PRPF8: variants seen among roughly 807,000 people sequenced by gnomAD.
PRPF8 encodes pre-mRNA-processing-splicing factor 8.
PRPF8 carries 64 observed loss-of-function variants against 285.9 expected under a neutral mutation model. The ratio of observed to expected loss-of-function variants is 0.22; its 90% confidence interval spans 0.18 to 0.28. The LOEUF is 0.28. Among genes scored for constraint, PRPF8 ranks in the 10% least tolerant of loss-of-function variants. The pLI is 1.00. For synonymous variants in PRPF8, 1,325 were observed against 1,118.2 expected, an observed-to-expected ratio of 1.18 and a Z score of -3.69; for missense variants, 1,426 against 3,026.7, an observed-to-expected ratio of 0.47 and a Z score of 12.41.
Position 1,680,814 on chromosome 17 carries a change from ACATTGGGAGTATGG to A in PRPF8, c.996_1009del (p.His333CysfsTer6). 6.2e-7 allele frequency: 1 copy of A among 1,614,148 alleles called. No individual in the cohort carries two copies. The highest frequency in any genetic ancestry group is 8.5e-7 in the Non-Finnish European group (1 of 1,180,020). Reference sequence around the variant, plus strand: ...AGGATCCTCAGTTTTGATGAATACAACATTGGGAGTATGGTACCTAAAATGAAAGGAAGAGTCAG... The same window carrying A: ...AGGATCCTCAGTTTTGATGAATACAATACCTAAAATGAAAGGAAGAGTCAG... On this transcript the variant is annotated frameshift_variant, in exon 8 of 43. Coordinates refer to ENST00000304992, the MANE Select transcript of PRPF8 (RefSeq NM_006445.4). LOFTEE classifies it high-confidence loss of function.
intron 1 of PRPF8, 30 bp from the exon 2 acceptor site, chr17:1,684,612 T>G: frequency 1.3e-6 from 2 of 1,599,952 alleles, no homozygotes; most frequent in East Asian, 4.5e-5. Flanking sequence ...AAAAATTCAC[T>G]AACCACAGGC....
In PRPF8 at chr17:1,673,040, A is replaced by G. The variant is rs1252943820; in HGVS notation, c.3774+41T>C. On this transcript the variant is annotated intron_variant, in intron 24 of 42. Transcript: ENST00000304992. This position sits in a 1 kb window ranked among gnomAD's most constrained non-coding sequence, Gnocchi z 5.5. ...AAGGGGTGTGAAATGAGCAGAGGAC[A>G]GCAGAGGACAAGAGGGAAGCTGGGC... The G allele has an allele frequency of 2.6e-6, 4 of 1,566,750 alleles. No homozygotes were observed.
In PRPF8 at chr17:1,659,642, C is replaced by A; in HGVS notation, c.4947-94G>T. On this transcript the variant is annotated intron_variant, in intron 31 of 42. Transcript: ENST00000304992. This position sits in a 1 kb window ranked among gnomAD's most constrained non-coding sequence, Gnocchi z 5.1. Reference sequence around the variant, plus strand: ...ACTTAAATCCCAAAACCATCCCACCCACTCCACCAACTTGTTCCAGGTCAG... The same window carrying A: ...ACTTAAATCCCAAAACCATCCCACCAACTCCACCAACTTGTTCCAGGTCAG... 4 of 1,486,104 alleles carry A rather than the reference C, an allele frequency of 2.7e-6. No homozygotes were observed. The highest frequency in any genetic ancestry group is 2.8e-6 in the Non-Finnish European group (3 of 1,077,254). 92.1% of individuals were successfully genotyped at this position (1,486,104 alleles called of 1,614,324 possible).
intron 37 of PRPF8, 148 bp downstream of exon 37, chr17:1,655,202 C>T: frequency 1.2e-6 from 1 of 808,258 alleles, no homozygotes; most frequent in East Asian, 2.7e-5. Context: ...AAATGATCTA[C>T]CCACCTTGGC....
Position 1,679,617 on chromosome 17 carries a change from G to T in PRPF8, c.1281C>A (p.Val427=), listed in dbSNP as rs528335604. ...RTRRALDIPL[V]KNWYREHCPA... ...ACAGGGAAAAACCTTACCAGTTCTT[G>T]ACAAGGGGTATGTCCAGGGCCCGAC... Residue 427 remains valine (V), a synonymous_variant, in exon 9 of 43, where the codon GTC becomes GTA. Transcript: ENST00000304992. The surrounding 1 kb of genome is among the most constrained non-coding windows in gnomAD (Gnocchi z 4.7). The T allele has an allele frequency of 8.7e-6, 14 of 1,613,452 alleles. No homozygotes were observed. Among genetic ancestry groups the T allele is most frequent in the Middle Eastern group, 3.6e-4 (2 of 5,584 alleles).
Position 1,651,818 on chromosome 17 carries a change from T to C in PRPF8, c.6370-30A>G. The C allele has an allele frequency of 6.2e-7, 1 of 1,612,360 alleles. No individual in the cohort carries two copies. Among genetic ancestry groups the C allele is most frequent in the Non-Finnish European group, 8.5e-7 (1 of 1,178,650 alleles). On this transcript the variant is annotated intron_variant, in intron 39 of 42. Coordinates refer to ENST00000304992, the MANE Select transcript of PRPF8 (RefSeq NM_006445.4). The surrounding 1 kb of genome is among the most constrained non-coding windows in gnomAD (Gnocchi z 5.1). Reference sequence around the variant, plus strand: ...AGACAAAGGGGTCAGGAACCAAAACTCTTCTTAGTACCAGGTCAGAGTTGG... The same window carrying C: ...AGACAAAGGGGTCAGGAACCAAAACCCTTCTTAGTACCAGGTCAGAGTTGG...
intron 20 of PRPF8, 81 bp from the exon 21 acceptor site, chr17:1,674,761 T>G: frequency 7.0e-7 from 1 of 1,432,520 alleles, no homozygotes; most frequent in Non-Finnish European, 9.8e-7. Flanking sequence ...TGTTCTCCCC[T>G]CAGCAAATTC....
chr17:1,671,265 C>G lies in PRPF8; in HGVS notation c.3774+1816G>C, dbSNP rs556946806. Reference sequence around the variant, plus strand: ...GCAATCACTAACTCTAGTGCTCTCACAGATTCCCACATACAGGTTAATCTA... The same window carrying G: ...GCAATCACTAACTCTAGTGCTCTCAGAGATTCCCACATACAGGTTAATCTA... On this transcript the variant is annotated intron_variant, in intron 24 of 42. Transcript: ENST00000304992. Among the ~76,000 whole-genome samples, 175 of 152,304 alleles carry G rather than the reference C, an allele frequency of 1.1e-3. 8 individuals carry two copies. In the South Asian group the frequency reaches 0.035, roughly 31 times the overall value.
intron 2 of PRPF8, 49 bp downstream of exon 2, chr17:1,684,423 A>G: frequency 6.3e-7 from 1 of 1,599,576 alleles, no homozygotes; most frequent in Non-Finnish European, 8.6e-7. Flanking sequence ...GCGCGCGCGC[A>G]CACCCGCCCC....
In PRPF8 at chr17:1,650,755, G is replaced by T. The variant is rs770402693; in HGVS notation, c.*47C>A. 6.2e-7 allele frequency: 1 copy of T among 1,610,386 alleles called. No homozygotes were observed. Among genetic ancestry groups the T allele is most frequent in the South Asian group, 1.1e-5 (1 of 90,978 alleles). ...GAATGTCAGCGGCCTGTCTGGAGGG[G>T]CTGAGGCTTCGGCCTCGGGAGGCTG... On this transcript the variant is annotated 3_prime_UTR_variant, in exon 43 of 43. Coordinates refer to ENST00000304992, the MANE Select transcript of PRPF8 (RefSeq NM_006445.4).
rs537037742 is a variant in PRPF8, at chr17:1,679,821, G to A, written c.1099-22C>T. 1 of 1,613,908 alleles carries A rather than the reference G, an allele frequency of 6.2e-7. No individual in the cohort carries two copies. The highest frequency in any genetic ancestry group is 1.7e-5 in the Admixed American group (1 of 60,010). ...GGCTCTGAAAAAGGAATCCCTCTAAGGGTTTAGCTCCTGCTGAACTAGGCA... is the reference window on the plus strand; with the variant it reads ...GGCTCTGAAAAAGGAATCCCTCTAAAGGTTTAGCTCCTGCTGAACTAGGCA... On this transcript the variant is annotated intron_variant, in intron 8 of 42. Transcript: ENST00000304992. The surrounding 1 kb of genome is among the most constrained non-coding windows in gnomAD (Gnocchi z 4.7).
At chr17:1,660,118 T>C in intron 30 of PRPF8, 117 bp from the exon 31 acceptor site, 1 of 1,273,566 alleles carries the variant, frequency 7.9e-7, no homozygotes, top group African/African-American at 1.5e-5. Context: ...CAGGGTGGAT[T>C]TCCCATATGC....
Position 1,659,400 on chromosome 17 carries a change from T to A in PRPF8, c.5095A>T (p.Thr1699Ser). 1 of 1,613,912 alleles carries A rather than the reference T, an allele frequency of 6.2e-7. No individual in the cohort carries two copies. Among genetic ancestry groups the A allele is most frequent in the South Asian group, 1.1e-5 (1 of 91,044 alleles). Residue 1699 changes from threonine to serine, a missense_variant, in exon 32 of 43, where the codon ACA (threonine) becomes TCA (serine). By Grantham distance (58) the Thr-to-Ser change is moderately conservative (BLOSUM62 1). Coordinates refer to ENST00000304992, the MANE Select transcript of PRPF8 (RefSeq NM_006445.4). This position sits in a 1 kb window ranked among gnomAD's most constrained non-coding sequence, Gnocchi z 5.1. ...AGGTCAATGGCGATGAGTACACCTG[T>A]GGGCGAAGGGTAGATACTCATGTTG... ...TDNMSIYPSP[T>S]GVLIAIDLAY...
rs1912287817 is a variant in PRPF8, at chr17:1,671,073, C to T, written c.3774+2008G>A. Among the ~76,000 whole-genome samples the T allele has an allele frequency of 2.0e-5, 3 of 152,294 alleles. No individual in the cohort carries two copies. In the South Asian group the frequency reaches 6.2e-4, roughly 32 times the overall value. ...ATCCAGCCTCATCTCTTAACATTCC[C>T]AATTCCACAATTTACTCCAGCAAAC... On this transcript the variant is annotated intron_variant, in intron 24 of 42. Coordinates refer to ENST00000304992, the MANE Select transcript of PRPF8 (RefSeq NM_006445.4).
Position 1,656,761 on chromosome 17 carries a change from A to G in PRPF8, c.5506T>C (p.Leu1836=), listed in dbSNP as rs147958141. The change falls in exon 35 of 43, where the codon TTG becomes CTG. Residue 1836 remains leucine (L), a splice_region_variant and synonymous_variant. Coordinates refer to ENST00000304992, the MANE Select transcript of PRPF8 (RefSeq NM_006445.4). The part of the protein sequence containing the change: ...VWAGQKRLGQ[L]AKWKTAEEVA... ...TCCTCAGCTGTCTTCCACTTAGCCA[A>G]CTTAAAAGCAAGAGAGAAGAAAATG... is the stretch of plus-strand genomic sequence containing the variant. 2.5e-4 allele frequency: 401 copies of G among 1,613,816 alleles called. No homozygotes were observed. The highest frequency in any genetic ancestry group is 5.3e-4 in the Admixed American group (32 of 59,988).
chr17:1,653,518 G>T lies in PRPF8; in HGVS notation c.6369+24C>A. The T allele has an allele frequency of 6.2e-7, 1 of 1,614,126 alleles. No individual in the cohort carries two copies. On this transcript the variant is annotated intron_variant, in intron 39 of 42. Coordinates refer to ENST00000304992, the MANE Select transcript of PRPF8 (RefSeq NM_006445.4). The surrounding 1 kb of genome is among the most constrained non-coding windows in gnomAD (Gnocchi z 4.9). ...CAAAATGAGTTGGGCACACACTGTG[G>T]CCTAGCTGAGTCCACTTACTCACTT...
At position 1,681,025 on chromosome 17, in the gene PRPF8, A is replaced by G. The variant is rs899055863; in HGVS notation, c.896T>C (p.Ile299Thr). Residue 299 changes from isoleucine (I) to threonine (T), a missense_variant, in exon 7 of 43, where the codon ATT becomes ACT. Ile to Thr is a moderately conservative substitution (Grantham distance 89). This residue lies in a region of PRPF8 where 157 missense variants were observed against 159.6 expected (regional missense o/e 0.98). Coordinates refer to ENST00000304992, the MANE Select transcript of PRPF8 (RefSeq NM_006445.4). ...AGGCTGCCGGATGATAATCTTGTTA[A>G]TATCATTGAATTCATTCCAGTCTTC... ...QDEDWNEFND[I>T]NKIIIRQPIR... The G allele has an allele frequency of 3.7e-6, 6 of 1,613,260 alleles. No homozygotes were observed. Among genetic ancestry groups the G allele is most frequent in the Non-Finnish European group, 4.2e-6 (5 of 1,179,366 alleles).
chr17:1,678,240 G>A (rs1313421545), intron 13 of PRPF8, among the ~76,000 whole-genome samples: 6 of 151,964 alleles, frequency 3.9e-5, no homozygotes, highest in Admixed American at 2.6e-4. Flanking sequence ...ACTTCAACCC[G>A]GGAGGCGGAG....
In PRPF8 at chr17:1,661,466, C is replaced by T; in HGVS notation, c.4203-60G>A. Reference sequence around the variant, plus strand: ...ATCTCATATGAGGAGCTCAGCACTCCTTCCTGGCCAAAAATAATTAGGGTC... The same window carrying T: ...ATCTCATATGAGGAGCTCAGCACTCTTTCCTGGCCAAAAATAATTAGGGTC... On this transcript the variant is annotated intron_variant, in intron 26 of 42. Transcript: ENST00000304992. The surrounding 1 kb of genome is among the most constrained non-coding windows in gnomAD (Gnocchi z 7.3). 1 of 1,613,090 alleles carries T rather than the reference C, an allele frequency of 6.2e-7. No homozygotes were observed. The highest frequency in any genetic ancestry group is 1.1e-5 in the South Asian group (1 of 91,048).
Sources: allele counts gnomAD v4.1 joint callset (sites outside exome capture counted in the v4.1 genomes callset), GRCh38; gene constraint gnomAD v4.1.1; regional missense constraint gnomAD v4.1.1; non-coding constraint Gnocchi (gnomAD v3.1); transcripts MANE v1.5; gene names NCBI Gene and HGNC (gene_info 2026-07-23, HGNC 2026-07-21).